The following TENM3 variants were observed in gnomAD, a reference collection of about 807,000 sequenced individuals.
The protein encoded by TENM3 is teneurin-3.
Under a neutral mutation model 255.1 loss-of-function variants are expected in TENM3, and 63 were observed. The observed-to-expected ratio is 0.25, with a 90% confidence interval of 0.20 to 0.30. The LOEUF (loss-of-function observed/expected upper bound fraction) is 0.30, where lower values mean the gene tolerates loss of function less well. Among genes scored for constraint, TENM3 ranks in the 10% least tolerant of loss-of-function variants. TENM3 has a pLI of 1.00. For synonymous variants in TENM3, 1,306 were observed against 1,322.3 expected, an observed-to-expected ratio of 0.99 and a Z score of 0.27; for missense variants, 2,929 against 3,461.1, an observed-to-expected ratio of 0.85 and a Z score of 3.86.
chr4:182,066,254 C>CT, the TENM3 span, among the ~76,000 whole-genome samples: 14 of 151,922 alleles, frequency 9.2e-5, no homozygotes, highest in East Asian at 9.6e-4. Flanking sequence ...TGACGTCAAC[C>CT]TTTTTTTTAT....
chr4:181,652,877 C>T, the TENM3 span, among the ~76,000 whole-genome samples: 13 of 152,190 alleles, frequency 8.5e-5, no homozygotes, highest in South Asian at 4.1e-4. Flanking sequence ...TCTTCACACA[C>T]GAACTGCTGT....
the TENM3 span, among the ~76,000 whole-genome samples, chr4:181,482,183 A>G: frequency 6.6e-6 from 1 of 152,140 alleles, no homozygotes; most frequent in Non-Finnish European, 1.5e-5. Flanking sequence ...GTTTTGATAT[A>G]TATAATGTAA....
intron 24 of TENM3, among the ~76,000 whole-genome samples, chr4:182,786,730 TAAAATGAATGCCAAGG>T (rs1765692732): frequency 6.6e-6 from 1 of 151,800 alleles, no homozygotes; most frequent in Admixed American, 6.6e-5. Flanking sequence ...TAATACAAAT[TAAAATGAATGCCAAGG>T]AAAATGCAAA....
chr4:181,616,472 T>C, the TENM3 span, among the ~76,000 whole-genome samples: 1 of 148,734 alleles, frequency 6.7e-6, no homozygotes, highest in Non-Finnish European at 1.5e-5. Flanking sequence ...ATCCATATAA[T>C]TAATATACTA....
chr4:182,207,975 A>C (rs1181412584), intron 1 of TENM3, among the ~76,000 whole-genome samples: 2 of 152,206 alleles, frequency 1.3e-5, no homozygotes, highest in African/African-American at 4.8e-5. Context: ...TTACAAGAGA[A>C]TGTCCTTGAA....
chr4:181,999,882 C>T, the TENM3 span, among the ~76,000 whole-genome samples: 1 of 152,084 alleles, frequency 6.6e-6, no homozygotes, highest in South Asian at 2.1e-4. Flanking sequence ...AAAAGAGCAG[C>T]AATTCATTAA....
the TENM3 span, among the ~76,000 whole-genome samples, chr4:181,753,429 C>T: frequency 1.1e-4 from 16 of 151,964 alleles, no homozygotes; most frequent in Non-Finnish European, 2.2e-4. Context: ...CAGATGGAGA[C>T]GCAACAGCCA....
At chr4:181,764,836 G>A in the TENM3 span, among the ~76,000 whole-genome samples, 1 of 151,790 alleles carries the variant, frequency 6.6e-6, no homozygotes, top group Non-Finnish European at 1.5e-5. Context: ...GACTACAGGG[G>A]CATGCCACCA....
At chr4:182,522,991 AT>A (rs1327761453) in intron 3 of TENM3, among the ~76,000 whole-genome samples, 1 of 151,864 alleles carries the variant, frequency 6.6e-6, no homozygotes, top group African/African-American at 2.4e-5. Flanking sequence ...TATAACAGCC[AT>A]TTTCATGGGT....
At chr4:182,486,051 G>T (rs765670715) in intron 3 of TENM3, among the ~76,000 whole-genome samples, 1 of 152,016 alleles carries the variant, frequency 6.6e-6, no homozygotes, top group Non-Finnish European at 1.5e-5. Context: ...TAGGTAGCAT[G>T]TCCAAAGCTG....
In TENM3 at chr4:182,763,984, A is replaced by C. The variant is rs116314162; in HGVS notation, c.4892+8725A>C. On this transcript the variant is annotated intron_variant, in intron 22 of 27. Transcript: ENST00000511685. ...TCTAGTTTTTTAACTTAATGTTTAA[A>C]GTGTACCCCATTCTCCTTAACACAA... 6.2e-3 allele frequency among the ~76,000 whole-genome samples: 943 copies of C among 152,328 alleles called. 11 individuals carry two copies. Among genetic ancestry groups the C allele is most frequent in the African/African-American group, 0.022 (896 of 41,570 alleles).
At chr4:182,500,169 G>T (rs1036254681) in intron 3 of TENM3, among the ~76,000 whole-genome samples, 9 of 152,118 alleles carry the variant, frequency 5.9e-5, no homozygotes, top group African/African-American at 2.2e-4. Flanking sequence ...AAATTTTTGG[G>T]ATTGATCAAT....
the TENM3 span, among the ~76,000 whole-genome samples, chr4:181,476,205 GGTTTT>G: frequency 0.024 from 2,313 of 98,054 alleles, 29 homozygotes; most frequent in Non-Finnish European, 0.035. Context: ...ACATTTTAGG[GGTTTT>G]TTTTTTTTTT....
chr4:182,365,355 G>A (rs375683002), intron 3 of TENM3, among the ~76,000 whole-genome samples: 3 of 152,164 alleles, frequency 2.0e-5, no homozygotes, highest in African/African-American at 7.2e-5. Flanking sequence ...ATGTGGCCTC[G>A]ATGAGACAGG....
chr4:181,607,236 A>G, the TENM3 span, among the ~76,000 whole-genome samples: 1 of 152,156 alleles, frequency 6.6e-6, no homozygotes, highest in Non-Finnish European at 1.5e-5. Flanking sequence ...CCCTTGGAGC[A>G]GCCTATGTTT....
chr4:181,575,568 T>C, the TENM3 span, among the ~76,000 whole-genome samples: 1 of 152,242 alleles, frequency 6.6e-6, no homozygotes, highest in Non-Finnish European at 1.5e-5. Flanking sequence ...ACTATGCTTT[T>C]TCTTGCAAAC....
chr4:181,570,627 G>A, the TENM3 span, among the ~76,000 whole-genome samples: 1 of 148,776 alleles, frequency 6.7e-6, no homozygotes. Context: ...AAGAAAGAAA[G>A]GAAAGAAAGA....
intron 1 of TENM3, among the ~76,000 whole-genome samples, chr4:182,322,256 T>A (rs116370474): frequency 0.022 from 3,326 of 152,308 alleles, 51 homozygotes; most frequent in Non-Finnish European, 0.031. Context: ...TCAAGATATA[T>A]TCCAAGACTA....
chr4:181,972,436 CA>C, the TENM3 span, among the ~76,000 whole-genome samples: 301 of 115,096 alleles, frequency 2.6e-3, 1 homozygote, highest in African/African-American at 5.8e-3. Context: ...CCTCCTTGTC[CA>C]AAAAAAAAAA....
Sources: allele counts gnomAD v4.1 joint callset (sites outside exome capture counted in the v4.1 genomes callset), GRCh38; gene constraint gnomAD v4.1.1; transcripts MANE v1.5; gene names NCBI Gene and HGNC (gene_info 2026-07-23, HGNC 2026-07-21).